Variants in TMEM260 observed in about 807,000 individuals in gnomAD.
TMEM260 encodes transmembrane protein 260, also known as protein O-mannosyl-transferase TMEM260.
TMEM260 carries 82 observed loss-of-function variants against 88.9 expected under a neutral mutation model. That is an observed-to-expected ratio of 0.92 (90% confidence interval 0.77 to 1.11). The LOEUF (loss-of-function observed/expected upper bound fraction) is 1.11, where lower values mean the gene tolerates loss of function less well. TMEM260 is among the 50% of genes least tolerant of loss of function. The pLI, the probability that TMEM260 is intolerant of heterozygous loss-of-function variation, is 0.00. For synonymous variants in TMEM260, 314 were observed against 309.3 expected, an observed-to-expected ratio of 1.02 and a Z score of -0.16; for missense variants, 902 against 853.4, an observed-to-expected ratio of 1.06 and a Z score of -0.71.
downstream of TMEM260, among the ~76,000 whole-genome samples, chr14:56,654,499 T>G (rs1423628391): frequency 2.6e-5 from 4 of 152,120 alleles, no homozygotes; most frequent in Non-Finnish European, 5.9e-5. Flanking sequence ...ATGATTCTTC[T>G]ATTTGGTTCA....
intron 4 of TMEM260, among the ~76,000 whole-genome samples, chr14:56,604,550 A>C (rs1048495585): frequency 6.6e-6 from 1 of 152,210 alleles, no homozygotes; most frequent in African/African-American, 2.4e-5. Context: ...GAAATGCCAA[A>C]TCATCTTAGT....
intron 12 of TMEM260, among the ~76,000 whole-genome samples, chr14:56,626,521 C>T (rs1888253031): frequency 6.6e-6 from 1 of 152,120 alleles, no homozygotes; most frequent in Non-Finnish European, 1.5e-5. Flanking sequence ...TAGTTGTATA[C>T]ATACATAGAT....
At chr14:56,585,558 A>G in intron 2 of TMEM260, 1 of 547,704 alleles carries the variant, frequency 1.8e-6, no homozygotes, top group Non-Finnish European at 3.2e-6. Flanking sequence ...GCACCATGTG[A>G]TAGACGCTGC....
At chr14:56,659,484 G>C in the TMEM260 span, among the ~76,000 whole-genome samples, 30 of 152,292 alleles carry the variant, frequency 2.0e-4, no homozygotes, top group East Asian at 5.8e-3. Context: ...TCGACCCTGG[G>C]CCTGAGCCTC....
rs1040465640 is a variant in TMEM260, at chr14:56,609,165, C to G, written c.696C>G (p.Pro232=). The G allele has an allele frequency of 9.9e-6, 16 of 1,614,070 alleles. No individual in the cohort carries two copies. The Admixed American group carries it at 1.5e-4, about 15-fold the overall frequency. Residue 232 remains proline (P), a synonymous_variant, in exon 6 of 16, where the codon CCC becomes CCG. Coordinates refer to ENST00000261556, the MANE Select transcript of TMEM260 (RefSeq NM_017799.4). ...TGTACTTCTCTGCTGGTTTGCTGCC[C>G]TATGTCCACCTTCCCATCTCATCTT... The part of the protein sequence containing the change: ...LSLYFSAGLL[P]YVHLPISSYL...
chr14:56,580,811 A>G (rs780400260), intron 1 of TMEM260, among the ~76,000 whole-genome samples: 3 of 152,240 alleles, frequency 2.0e-5, no homozygotes, highest in Non-Finnish European at 2.9e-5. Flanking sequence ...TTTGGATTCA[A>G]TAATGCCATA....
chr14:56,593,710 C>G (rs1218798740), intron 3 of TMEM260, among the ~76,000 whole-genome samples: 2 of 85,118 alleles, frequency 2.3e-5, no homozygotes, highest in African/African-American at 8.6e-5. Context: ...TTTTTTGAGA[C>G]TGAGTCTCGG....
At chr14:56,631,250 C>T (rs748952684) in intron 12 of TMEM260, among the ~76,000 whole-genome samples, 38 of 152,212 alleles carry the variant, frequency 2.5e-4, no homozygotes, top group Admixed American at 3.9e-4. Flanking sequence ...TAGGGTCTTG[C>T]ATTCCCTTCT....
intron 11 of TMEM260, among the ~76,000 whole-genome samples, chr14:56,624,133 A>C (rs1482946073): frequency 6.6e-6 from 1 of 152,244 alleles, no homozygotes; most frequent in African/African-American, 2.4e-5. Context: ...GGCCTAGATT[A>C]TTACATGATT....
At chr14:56,625,230 A>C in intron 11 of TMEM260, 152 bp from the exon 12 acceptor site, 1 of 668,606 alleles carries the variant, frequency 1.5e-6, no homozygotes, top group South Asian at 2.2e-5. Flanking sequence ...AAAAGTAATC[A>C]GTACCACATT....
At chr14:56,659,893 ACT>A in the TMEM260 span, among the ~76,000 whole-genome samples, 9 of 152,336 alleles carry the variant, frequency 5.9e-5, no homozygotes, top group East Asian at 1.5e-3. Context: ...CCTGCCACGT[ACT>A]GAGTTTTGTG....
At chr14:56,612,458 G>T in intron 7 of TMEM260, 173 bp downstream of exon 7, 1 of 618,606 alleles carries the variant, frequency 1.6e-6, no homozygotes. Flanking sequence ...TATCCATGGG[G>T]TATTGGTTAC....
intron 15 of TMEM260, among the ~76,000 whole-genome samples, chr14:56,642,131 T>C (rs1375058841): frequency 6.6e-6 from 1 of 152,098 alleles, no homozygotes; most frequent in East Asian, 1.9e-4. Context: ...TATCCAGGAA[T>C]TGAACTCAGC....
upstream of TMEM260, chr14:56,579,629 A>G (rs1341244812): frequency 5.8e-6 from 2 of 347,704 alleles, no homozygotes; most frequent in Non-Finnish European, 1.0e-5. Context: ...TGCTTTTTAA[A>G]GGGAATGCTC....
intron 3 of TMEM260, among the ~76,000 whole-genome samples, chr14:56,587,712 A>G (rs543830313): frequency 3.9e-4 from 59 of 152,238 alleles, no homozygotes; most frequent in African/African-American, 1.3e-3. Flanking sequence ...TATCTCTTAC[A>G]TAATTTTAAT....
At chr14:56,632,642 G>A (rs1287042385) in intron 12 of TMEM260, among the ~76,000 whole-genome samples, 3 of 152,022 alleles carry the variant, frequency 2.0e-5, no homozygotes, top group Non-Finnish European at 2.9e-5. Context: ...TGAGATGGGG[G>A]TCTTGCTGTG....
chr14:56,584,756 T>C (rs1335951245), intron 1 of TMEM260, among the ~76,000 whole-genome samples: 2 of 152,174 alleles, frequency 1.3e-5, no homozygotes, highest in Non-Finnish European at 2.9e-5. Context: ...AAGCATTTTT[T>C]AAAGACCAGA....
downstream of TMEM260, among the ~76,000 whole-genome samples, chr14:56,654,795 CAA>C (rs1416750618): frequency 2.5e-5 from 2 of 79,328 alleles, no homozygotes; most frequent in Non-Finnish European, 4.5e-5. Context: ...ACCTGGGCAA[CAA>C]GAGCGAAACT....
intron 13 of TMEM260, among the ~76,000 whole-genome samples, chr14:56,634,538 T>G (rs1226189942): frequency 6.6e-6 from 1 of 152,176 alleles, no homozygotes; most frequent in African/African-American, 2.4e-5. Context: ...TTATGACCTA[T>G]CCATTGCAAA....
Sources: gnomAD v4.1 joint callset for allele counts (sites outside exome capture counted in the v4.1 genomes callset) on GRCh38, gnomAD v4.1.1 for gene constraint, MANE v1.5 for transcripts, NCBI Gene and HGNC (gene_info 2026-07-23, HGNC 2026-07-21) for gene names.